Variants in TXNL4A observed in about 807,000 individuals in gnomAD.
The protein encoded by TXNL4A is thioredoxin-like protein 4A.
In TXNL4A, 17 loss-of-function variants were observed where a neutral mutation model predicts 14.6. The observed-to-expected ratio is 1.16, with a 90% CI of 0.80 to 1.74. The LOEUF (loss-of-function observed/expected upper bound fraction) is 1.74, where lower values mean the gene tolerates loss of function less well. Ranked by LOEUF, TXNL4A falls within the 40% of genes most tolerant of loss-of-function variation. The probability of loss-of-function intolerance (pLI) is 0.00; values close to 1 mark genes in which losing one functional copy is unlikely to be tolerated. For missense variants in TXNL4A, 74 were observed against 195.2 expected (o/e 0.38, Z 3.70); for synonymous variants, 83 against 70.6 (o/e 1.18, Z -0.88).
At chr18:80,025,501 C>T (rs988316524) in intron 1 of TXNL4A, among the ~76,000 whole-genome samples, 5 of 152,218 alleles carry the variant, frequency 3.3e-5, no homozygotes, top group Non-Finnish European at 7.3e-5. Flanking sequence ...CCAATGGCAG[C>T]GTCTCATCTG....
chr18:79,989,722 C>T (rs1264771202), upstream of TXNL4A, among the ~76,000 whole-genome samples: 1 of 151,972 alleles, frequency 6.6e-6, no homozygotes, highest in Non-Finnish European at 1.5e-5. Flanking sequence ...CGCCCGGGCG[C>T]GGTGGCTCAC....
intron 1 of TXNL4A, among the ~76,000 whole-genome samples, chr18:79,979,853 A>C (rs774837908): frequency 3.3e-5 from 5 of 152,232 alleles, no homozygotes; most frequent in Non-Finnish European, 5.9e-5. Flanking sequence ...AAAGGATATG[A>C]CATTTTAAAG....
At chr18:79,993,205 G>C (rs2051639275), upstream of TXNL4A, among the ~76,000 whole-genome samples, 1 of 152,144 alleles carries the variant, frequency 6.6e-6, no homozygotes, top group Non-Finnish European at 1.5e-5. The surrounding 1 kb of genome is among the most constrained non-coding windows in gnomAD (Gnocchi z 4.4). Flanking sequence ...ACTGGTCTGG[G>C]CACCTTGTAG....
intron 1 of TXNL4A, among the ~76,000 whole-genome samples, chr18:80,019,652 C>A (rs12961245): frequency 0.15 from 23,576 of 152,160 alleles, 1,948 homozygotes; most frequent in East Asian, 0.28. Context: ...TCTATAGTCT[C>A]TCCCAGTTTG....
At chr18:80,031,094 C>T (rs1309443910) in intron 1 of TXNL4A, among the ~76,000 whole-genome samples, 1 of 152,206 alleles carries the variant, frequency 6.6e-6, no homozygotes, top group African/African-American at 2.4e-5. Flanking sequence ...GGTGACCATG[C>T]CCCAAACAAT....
At chr18:79,986,619 G>A (rs2051552645) in intron 1 of TXNL4A, 10 of 985,302 alleles carry the variant, frequency 1.0e-5, no homozygotes, top group Non-Finnish European at 1.2e-5. Context: ...CATAAAATCT[G>A]TTTTCTAGCT....
chr18:80,027,413 T>TC (rs1301145106), intron 1 of TXNL4A, among the ~76,000 whole-genome samples: 2 of 152,034 alleles, frequency 1.3e-5, no homozygotes, highest in Non-Finnish European at 2.9e-5. Context: ...CACCCAATAG[T>TC]CCCAAACCAC....
rs541083733 is a variant in TXNL4A at position 80,023,019 on chromosome 18, G to A, written c.-61+10832C>T. ...GACTTGGGCAAGACTCTTTAATGGA[G>A]GGTGTTTTAATACCATATTTGGCTT... is the stretch of plus-strand genomic sequence containing the variant. On this transcript the variant is annotated intron_variant, in intron 1 of 2. Coordinates refer to the TXNL4A transcript ENST00000585474. Among the ~76,000 whole-genome samples the A allele has an allele frequency of 2.0e-4, 31 of 152,316 alleles. 1 individual carries two copies. Among genetic ancestry groups the A allele is most frequent in the South Asian group, 1.9e-3 (9 of 4,830 alleles).
At position 79,988,487 on chromosome 18, in the gene TXNL4A, C is replaced by T; in HGVS notation, c.-95G>A. Reference sequence around the variant, plus strand: ...GCCCCTCACTCCCCGGCCCCCGCCGCCCCCGGGCCCACGGACGAAATCCGG... The same window carrying T: ...GCCCCTCACTCCCCGGCCCCCGCCGTCCCCGGGCCCACGGACGAAATCCGG... On this transcript the variant is annotated 5_prime_UTR_variant, in exon 1 of 3. Transcript: ENST00000269601. 2 of 1,217,180 alleles carry T rather than the reference C, an allele frequency of 1.6e-6. No individual in the cohort carries two copies. Among genetic ancestry groups the T allele is most frequent in the Admixed American group, 8.6e-5 (2 of 23,236 alleles). The allele number at this position is 1,217,180 out of a possible 1,614,324, so 75.4% of individuals were successfully genotyped here.
chr18:80,013,229 T>G (rs1349184663), intron 1 of TXNL4A, among the ~76,000 whole-genome samples: 3 of 151,290 alleles, frequency 2.0e-5, no homozygotes, highest in Non-Finnish European at 4.4e-5. Context: ...TTCACACCAT[T>G]CTCCTGCCTC....
chr18:80,003,835 G>A (rs1242563846), intron 1 of TXNL4A, among the ~76,000 whole-genome samples: 2 of 152,204 alleles, frequency 1.3e-5, no homozygotes, highest in Non-Finnish European at 2.9e-5. Context: ...CAGGGCTGCA[G>A]GATGCAATGA....
chr18:80,029,645 G>A (rs2051908499), intron 1 of TXNL4A, among the ~76,000 whole-genome samples: 1 of 152,066 alleles, frequency 6.6e-6, no homozygotes, highest in African/African-American at 2.4e-5. Context: ...CCAATCCTCA[G>A]GCCTAGTGGA....
chr18:79,971,722 C>T lies in TXNL4A; in HGVS notation c.*1963G>A, dbSNP rs748838744. ...TCCAATTTCTCCACATCCTTGCAAA[C>T]GCTTGTTGCGATCTTTTTGTATCTA... On this transcript the variant is annotated 3_prime_UTR_variant, in exon 3 of 3. Transcript: ENST00000269601. The T allele has an allele frequency of 6.6e-6, 1 of 152,218 alleles. No homozygotes were observed. The highest frequency in any genetic ancestry group is 2.4e-5 in the African/African-American group (1 of 41,460). The allele number at this position is 152,218 out of a possible 1,614,324, so 9.4% of individuals were successfully genotyped here.
At chr18:80,012,627 T>C (rs1252920990) in intron 1 of TXNL4A, among the ~76,000 whole-genome samples, 1 of 152,216 alleles carries the variant, frequency 6.6e-6, no homozygotes, top group Non-Finnish European at 1.5e-5. Flanking sequence ...ATCTTTAGGA[T>C]AAGGATATCC....
intron 1 of TXNL4A, among the ~76,000 whole-genome samples, chr18:80,026,669 T>C (rs1033348114): frequency 3.3e-4 from 50 of 152,302 alleles, no homozygotes; most frequent in African/African-American, 1.1e-3. Context: ...GTACAAACCT[T>C]TACTTTCCCG....
chr18:79,977,361 T>G, intron 2 of TXNL4A: 2 of 533,180 alleles, frequency 3.8e-6, no homozygotes, highest in South Asian at 2.8e-5. Flanking sequence ...TCACCTAGGT[T>G]TCCCCGCAAA....
rs1489347619 is a variant in TXNL4A at position 79,982,629 on chromosome 18, G to A, written c.154-4928C>T. Among the ~76,000 whole-genome samples, 1 of 152,188 alleles carries A rather than the reference G, an allele frequency of 6.6e-6. No individual in the cohort carries two copies. Among genetic ancestry groups the A allele is most frequent in the East Asian group, 1.9e-4 (1 of 5,190 alleles). The stretch of plus-strand genomic sequence containing the variant: ...AGTGCCCCAGAGAGGTTACCAGAAA[G>A]GACGATATGGGAACGGGGACACTGC... On this transcript the variant is annotated intron_variant, in intron 1 of 2. Transcript: ENST00000269601. The surrounding 1 kb of genome is among the most constrained non-coding windows in gnomAD (Gnocchi z 4.0).
intron 1 of TXNL4A, among the ~76,000 whole-genome samples, chr18:80,017,575 G>A (rs1248381114): frequency 2.0e-5 from 3 of 152,100 alleles, no homozygotes; most frequent in Non-Finnish European, 2.9e-5. Flanking sequence ...AGCATGAAGT[G>A]TTGTTGAATT....
chr18:79,999,863 TAGTG>T (rs1317786068), intron 1 of TXNL4A, among the ~76,000 whole-genome samples: 7 of 152,190 alleles, frequency 4.6e-5, no homozygotes, highest in African/African-American at 1.7e-4. Flanking sequence ...GTTCTCATGG[TAGTG>T]AGTAAGTCTC....
Sources: gnomAD v4.1 joint callset for allele counts (sites outside exome capture counted in the v4.1 genomes callset) on GRCh38, gnomAD v4.1.1 for gene constraint, Gnocchi (gnomAD v3.1) non-coding constraint, MANE v1.5 for transcripts, NCBI Gene and HGNC (gene_info 2026-07-23, HGNC 2026-07-21) for gene names.